The following PCSK5 variants were observed in gnomAD, a reference collection of about 807,000 sequenced individuals.
PCSK5 encodes proprotein convertase subtilisin/kexin type 5, also known as prohormone convertase 5.
A neutral mutation model predicts 233.2 loss-of-function variants in PCSK5; 129 were observed. The observed-to-expected ratio is 0.55, with a 90% CI of 0.48 to 0.64. The LOEUF (loss-of-function observed/expected upper bound fraction) is 0.64, where lower values mean the gene tolerates loss of function less well. Among genes scored for constraint, PCSK5 ranks in the 30% least tolerant of loss-of-function variants. PCSK5 has a pLI of 0.00. For missense variants in PCSK5, 2,076 were observed against 2,430.1 expected, an observed-to-expected ratio of 0.85 and a Z score of 3.06; for synonymous variants, 825 against 879.2, an observed-to-expected ratio of 0.94 and a Z score of 1.09.
At chr9:75,891,534 C>T (rs1235877768) in intron 1 of PCSK5, among the ~76,000 whole-genome samples, 161 bp downstream of exon 1, 2 of 596 alleles carry the variant, frequency 3.4e-3, no homozygotes, top group Non-Finnish European at 0.015. Context: ...CGCGTACGCA[C>T]ACACACACAC....
chr9:76,316,237 G>T (rs1013388706), intron 30 of PCSK5, among the ~76,000 whole-genome samples: 1 of 151,964 alleles, frequency 6.6e-6, no homozygotes, highest in Admixed American at 6.6e-5. Context: ...GATGTGGCTG[G>T]CCCCACTCTG....
At chr9:76,328,631 T>C (rs1401298436) in intron 33 of PCSK5, among the ~76,000 whole-genome samples, 3 of 152,228 alleles carry the variant, frequency 2.0e-5, no homozygotes, top group Non-Finnish European at 1.5e-5. Context: ...ATAAATATTT[T>C]AGTGCCTATT....
At chr9:76,314,847 G>A (rs1828976410) in intron 30 of PCSK5, among the ~76,000 whole-genome samples, 1 of 151,878 alleles carries the variant, frequency 6.6e-6, no homozygotes, top group Non-Finnish European at 1.5e-5. Flanking sequence ...CACCGTGTTG[G>A]CCAGGCTGGT....
In PCSK5 at chr9:76,175,461, G is replaced by A. The variant is rs116789594; in HGVS notation, c.1900+332G>A. ...CTGCAAAGCTAATAGTCCATATTGC[G>A]ATTGTACCATAATATAGTTAATCTG... On this transcript the variant is annotated intron_variant, in intron 14 of 37. Coordinates refer to ENST00000674117, the MANE Select transcript of PCSK5 (RefSeq NM_001372043.1). 522 of 394,798 alleles carry A rather than the reference G, an allele frequency of 1.3e-3. 3 individuals are homozygous for A. The highest frequency in any genetic ancestry group is 9.9e-3 in the African/African-American group (479 of 48,618). 24.5% of individuals were successfully genotyped at this position (394,798 alleles called of 1,614,324 possible). A position where few individuals can be genotyped will look rare whatever the true frequency, so the allele number is the denominator to read the frequency against.
chr9:76,053,231 TG>T (rs963019147), intron 5 of PCSK5, among the ~76,000 whole-genome samples: 8 of 152,202 alleles, frequency 5.3e-5, no homozygotes, highest in East Asian at 3.9e-4. Context: ...GACACTCTTT[TG>T]GGGGGGCTCC....
chr9:76,230,568 G>T (rs1441952150), intron 21 of PCSK5, among the ~76,000 whole-genome samples: 1 of 152,154 alleles, frequency 6.6e-6, no homozygotes, highest in Non-Finnish European at 1.5e-5. Flanking sequence ...ATTGGTTCAT[G>T]GCCTATTAGG....
At chr9:76,184,500 G>T (rs978537174) in intron 16 of PCSK5, among the ~76,000 whole-genome samples, 173 bp from the exon 17 acceptor site, 1 of 152,202 alleles carries the variant, frequency 6.6e-6, no homozygotes, top group African/African-American at 2.4e-5. Flanking sequence ...GTTCCTGTCT[G>T]TACTTGGTTT....
chr9:75,910,777 A>G (rs1822692512), intron 1 of PCSK5, among the ~76,000 whole-genome samples: 1 of 152,078 alleles, frequency 6.6e-6, no homozygotes, highest in Non-Finnish European at 1.5e-5. Flanking sequence ...GAATTATGAC[A>G]CCCACTGCTG....
At chr9:76,218,388 C>A (rs1205141894) in intron 20 of PCSK5, among the ~76,000 whole-genome samples, 2 of 152,118 alleles carry the variant, frequency 1.3e-5, no homozygotes, top group Non-Finnish European at 2.9e-5. Flanking sequence ...CTCATTGCCA[C>A]CCACATATGC....
intron 24 of PCSK5, among the ~76,000 whole-genome samples, chr9:76,244,216 A>G (rs62563395): frequency 0.035 from 5,328 of 152,328 alleles, 127 homozygotes; most frequent in Non-Finnish European, 0.048. Flanking sequence ...ACAGAGCAAG[A>G]TCCTTTCTCT....
chr9:76,352,374 A>G (rs1056658614), intron 36 of PCSK5, among the ~76,000 whole-genome samples: 3 of 152,102 alleles, frequency 2.0e-5, no homozygotes, highest in Non-Finnish European at 4.4e-5. Flanking sequence ...CAAGGCCTTT[A>G]TGATCTGTAT....
At chr9:76,193,240 C>A in intron 20 of PCSK5, 1 of 1,612,648 alleles carries the variant, frequency 6.2e-7, no homozygotes, top group Non-Finnish European at 8.5e-7. Flanking sequence ...GGAAAAGCAA[C>A]GGAAGAGTCC....
At chr9:76,313,203 G>A (rs1017884646) in intron 30 of PCSK5, among the ~76,000 whole-genome samples, 21 of 152,138 alleles carry the variant, frequency 1.4e-4, no homozygotes, top group African/African-American at 4.8e-4. Flanking sequence ...CTCTGGCATT[G>A]AAGTCCATGT....
chr9:75,891,011 C>A lies in PCSK5; in HGVS notation c.-171C>A. ...ATGGTCTAGGAGCCGGCGTAAGGCTCGCTGCTCTGCTCCCTGCCGGGGCTA... is the reference window on the plus strand; with the variant it reads ...ATGGTCTAGGAGCCGGCGTAAGGCTAGCTGCTCTGCTCCCTGCCGGGGCTA... On this transcript the variant is annotated 5_prime_UTR_variant, in exon 1 of 38. Transcript: ENST00000674117. 1.9e-6 allele frequency: 1 copy of A among 514,386 alleles called. No individual in the cohort carries two copies. Among genetic ancestry groups the A allele is most frequent in the South Asian group, 4.2e-5 (1 of 23,796 alleles). 31.9% of individuals were successfully genotyped at this position (514,386 alleles called of 1,614,324 possible).
intron 7 of PCSK5, among the ~76,000 whole-genome samples, chr9:76,074,880 A>G (rs1830591386): frequency 6.6e-6 from 1 of 152,168 alleles, no homozygotes; most frequent in South Asian, 2.1e-4. Context: ...CACAGTGCCT[A>G]GTTCCTGATA....
intron 12 of PCSK5, among the ~76,000 whole-genome samples, chr9:76,168,812 C>T (rs1823200372): frequency 6.6e-6 from 1 of 152,160 alleles, no homozygotes; most frequent in South Asian, 2.1e-4. Context: ...CACGCCATTA[C>T]TTTCAACATA....
At chr9:76,219,885 T>C (rs192686684) in intron 20 of PCSK5, among the ~76,000 whole-genome samples, 85 of 152,354 alleles carry the variant, frequency 5.6e-4, no homozygotes, top group Middle Eastern at 3.4e-3. Context: ...CTTATTTCTG[T>C]CAACATGTAT....
chr9:76,325,621 TCCCTACAATGACA>T (rs1829336991), intron 32 of PCSK5, among the ~76,000 whole-genome samples: 1 of 151,016 alleles, frequency 6.6e-6, no homozygotes, highest in African/African-American at 2.4e-5. Flanking sequence ...TTGAGGTGTC[TCCCTACAATGACA>T]TTGCACTTTC....
chr9:76,098,976 AGG>A (rs1387789282), intron 8 of PCSK5, among the ~76,000 whole-genome samples: 1 of 152,206 alleles, frequency 6.6e-6, no homozygotes, highest in Admixed American at 6.5e-5. Flanking sequence ...AGAGCTTACA[AGG>A]GAAAGTGGAC....
Sources: allele counts gnomAD v4.1 joint callset (sites outside exome capture counted in the v4.1 genomes callset), GRCh38; gene constraint gnomAD v4.1.1; transcripts MANE v1.5; gene names NCBI Gene and HGNC (gene_info 2026-07-23, HGNC 2026-07-21).